GPAM: variants seen among roughly 807,000 people sequenced by gnomAD.
The protein encoded by GPAM is glycerol-3-phosphate acyltransferase, mitochondrial, also known as glycerol-3-phosphate acyltransferase 1, mitochondrial.
A neutral mutation model predicts 105.0 loss-of-function variants in GPAM; 56 were observed. That is an observed-to-expected ratio of 0.53 (90% CI 0.43 to 0.67). The LOEUF is 0.67. Among genes scored for constraint, GPAM ranks in the 30% least tolerant of loss-of-function variants. GPAM has a pLI of 0.00. For missense variants in GPAM, 855 were observed against 989.8 expected, an observed-to-expected ratio of 0.86 and a Z score of 1.83; for synonymous variants, 368 against 354.4, an observed-to-expected ratio of 1.04 and a Z score of -0.43.
At chr10:112,167,956 T>C (rs933127640) in intron 11 of GPAM, among the ~76,000 whole-genome samples, 7 of 152,354 alleles carry the variant, frequency 4.6e-5, no homozygotes, top group Non-Finnish European at 7.3e-5. Context: ...ATTTAAAATA[T>C]GCACATATTC....
intron 5 of GPAM, among the ~76,000 whole-genome samples, chr10:112,176,742 T>TTG (rs1274380149): frequency 4.4e-4 from 67 of 152,202 alleles, no homozygotes; most frequent in Admixed American, 4.2e-3. Context: ...ACTGAAAGCA[T>TTG]TGTGTGTGTG....
chr10:112,226,315 T>C, the GPAM span, among the ~76,000 whole-genome samples: 2 of 152,154 alleles, frequency 1.3e-5, no homozygotes, highest in East Asian at 1.9e-4. Flanking sequence ...AAGAAGGTCA[T>C]CGTTGTGGAG....
At chr10:112,194,272 G>A (rs895524613) in intron 1 of GPAM, among the ~76,000 whole-genome samples, 5 of 152,180 alleles carry the variant, frequency 3.3e-5, no homozygotes, top group Non-Finnish European at 7.3e-5. Flanking sequence ...TTTGTGAACA[G>A]CTCTAATGAC....
intron 1 of GPAM, among the ~76,000 whole-genome samples, chr10:112,209,809 G>GA (rs1847891235): frequency 6.6e-6 from 1 of 152,236 alleles, no homozygotes; most frequent in Admixed American, 6.5e-5. Context: ...ACAGGGAAAT[G>GA]AATGTCACTT....
intron 1 of GPAM, among the ~76,000 whole-genome samples, chr10:112,201,137 A>T (rs1173500552): frequency 3.9e-5 from 6 of 152,204 alleles, no homozygotes; most frequent in African/African-American, 1.4e-4. Context: ...GACATTGGCC[A>T]GAAGATGTGT....
chr10:112,197,561 T>A (rs188333975), intron 1 of GPAM, among the ~76,000 whole-genome samples: 163 of 150,568 alleles, frequency 1.1e-3, no homozygotes, highest in African/African-American at 3.7e-3. Flanking sequence ...TATGTATACA[T>A]GTGCCATGCT....
chr10:112,167,017 C>A (rs1207583126), intron 11 of GPAM, among the ~76,000 whole-genome samples: 1 of 152,070 alleles, frequency 6.6e-6, no homozygotes, highest in Non-Finnish European at 1.5e-5. Flanking sequence ...ACATAAGGCA[C>A]AATGACAGGA....
intron 10 of GPAM, 76 bp downstream of exon 10, chr10:112,168,772 TCTCAA>T: frequency 1.1e-6 from 1 of 940,448 alleles, no homozygotes; most frequent in Non-Finnish European, 1.8e-6. Flanking sequence ...TTTTTAAAAA[TCTCAA>T]CTCAAAAGAG....
the GPAM span, among the ~76,000 whole-genome samples, chr10:112,223,058 C>T: frequency 6.6e-6 from 1 of 152,128 alleles, no homozygotes; most frequent in Non-Finnish European, 1.5e-5. Context: ...CAGGCCTCTC[C>T]CTTTCTCCCC....
chr10:112,173,090 A>C (rs1564680177), intron 7 of GPAM, 24 bp from the exon 8 acceptor site: 1 of 1,311,176 alleles, frequency 7.6e-7, no homozygotes, highest in Admixed American at 1.7e-5. Context: ...CAAACAAAAA[A>C]AACAACATAA....
chr10:112,160,826 T>C lies in GPAM; in HGVS notation c.1537A>G (p.Lys513Glu), dbSNP rs1847110941. 4 of 1,613,672 alleles carry C rather than the reference T, an allele frequency of 2.5e-6. No homozygotes were observed. Among genetic ancestry groups the C allele is most frequent in the African/African-American group, 2.7e-5 (2 of 74,930 alleles). ...STLVEDFFVMKEEVLARDFDL... is the reference protein window; with the variant it reads ...STLVEDFFVMEEEVLARDFDL... The stretch of plus-strand genomic sequence containing the variant: ...AAATCACGAGCCAGGACTTCCTCTT[T>C]CATCACAAAGAAGTCTTCGACCAAT... The change falls in exon 16 of 22, where the codon AAA (lysine) becomes GAA (glutamate). Residue 513 changes from lysine (K) to glutamate (E), a missense_variant. By Grantham distance (56) the Lys-to-Glu change is moderately conservative. Coordinates refer to ENST00000348367, the MANE Select transcript of GPAM (RefSeq NM_001244949.2).
Position 112,150,849 on chromosome 10 carries a change from T to C in GPAM, c.*2701A>G. Reference sequence around the variant, plus strand: ...GGGAAATGCTTTTCCCCATCCAGGTTACTGGCAATTCCACAATTTGGGCTT... The same window carrying C: ...GGGAAATGCTTTTCCCCATCCAGGTCACTGGCAATTCCACAATTTGGGCTT... On this transcript the variant is annotated 3_prime_UTR_variant, in exon 22 of 22. Transcript: ENST00000348367. 1.0e-6 allele frequency: 1 copy of C among 984,490 alleles called. No individual in the cohort carries two copies. Among genetic ancestry groups the C allele is most frequent in the Non-Finnish European group, 1.2e-6 (1 of 829,058 alleles). The allele number at this position is 984,490 out of a possible 1,614,324, so 61.0% of individuals were successfully genotyped here. A position where few individuals can be genotyped will look rare whatever the true frequency, so the allele number is the denominator to read the frequency against.
intron 1 of GPAM, among the ~76,000 whole-genome samples, chr10:112,214,066 T>G (rs997723887): frequency 6.6e-6 from 1 of 151,990 alleles, no homozygotes; most frequent in African/African-American, 2.4e-5. Flanking sequence ...CAGTGAAAGC[T>G]CCCTGAGGAC....
chr10:112,178,106 G>T, intron 4 of GPAM, 49 bp from the exon 5 acceptor site: 1 of 902,498 alleles, frequency 1.1e-6, no homozygotes, highest in South Asian at 1.3e-5. Context: ...CTAGATTGAC[G>T]GTGAAGAGCT....
intron 4 of GPAM, 40 bp from the exon 5 acceptor site, chr10:112,178,097 T>C (rs112075148): frequency 0.019 from 18,912 of 1,000,138 alleles, 275 homozygotes; most frequent in Non-Finnish European, 0.02. Context: ...AATACACAAC[T>C]AGATTGACGG....
chr10:112,182,052 T>C (rs1333110165), intron 2 of GPAM, among the ~76,000 whole-genome samples: 1 of 151,748 alleles, frequency 6.6e-6, no homozygotes, highest in Non-Finnish European at 1.5e-5. Flanking sequence ...TTCCTGAATA[T>C]ATAAGGATAC....
At position 112,172,975 on chromosome 10, in the gene GPAM, T is replaced by A. The variant is rs752832299; in HGVS notation, c.652A>T (p.Thr218Ser). Residue 218 changes from threonine (T) to serine (S), a missense_variant, in exon 8 of 22, where the codon ACT becomes TCT. Transcript: ENST00000348367. ...AGATTCACAGAAATTCTTGCCTCAG[T>A]TGCAGCTTTAACCATCTCAAGTTGA... ...KGQLEMVKAA[T>S]ETNLPLLFLP... 6.4e-7 allele frequency: 1 copy of A among 1,557,294 alleles called. No homozygotes were observed. Among genetic ancestry groups the A allele is most frequent in the South Asian group, 1.1e-5 (1 of 89,886 alleles).
chr10:112,159,289 C>T (rs1003860647), intron 17 of GPAM, among the ~76,000 whole-genome samples: 1 of 139,990 alleles, frequency 7.1e-6, no homozygotes, highest in African/African-American at 2.7e-5. Context: ...GGCGCAATCT[C>T]AGCTCACTGC....
intron 5 of GPAM, among the ~76,000 whole-genome samples, chr10:112,177,158 G>T (rs1176997621): frequency 6.6e-6 from 1 of 152,090 alleles, no homozygotes; most frequent in Admixed American, 6.6e-5. Flanking sequence ...CATGTACTTA[G>T]ACTTAAGTTC....
Sources: gnomAD v4.1 joint callset for allele counts (sites outside exome capture counted in the v4.1 genomes callset) on GRCh38, gnomAD v4.1.1 for gene constraint, MANE v1.5 for transcripts, NCBI Gene and HGNC (gene_info 2026-07-23, HGNC 2026-07-21) for gene names.